FREM2: variants seen among roughly 807,000 people sequenced by gnomAD.
The protein encoded by FREM2 is FRAS1-related extracellular matrix protein 2.
In FREM2, 119 loss-of-function variants were observed where a neutral mutation model predicts 219.9. The observed-to-expected ratio is 0.54, with a 90% confidence interval of 0.47 to 0.63. The LOEUF is 0.63. Ranked by LOEUF, FREM2 falls within the 30% of genes least tolerant of loss-of-function variation. FREM2 has a pLI of 0.00. For synonymous variants in FREM2, 1,562 were observed against 1,522.8 expected (o/e 1.03, Z -0.60); for missense variants, 4,030 against 3,993.6 (o/e 1.01, Z -0.25).
At chr13:38,822,416 C>G (rs1876102623) in intron 6 of FREM2, among the ~76,000 whole-genome samples, 1 of 149,952 alleles carries the variant, frequency 6.7e-6, no homozygotes, top group Non-Finnish European at 1.5e-5. Flanking sequence ...GAGCACACTC[C>G]CTGCCAGAGA....
intron 21 of FREM2, among the ~76,000 whole-genome samples, chr13:38,877,889 G>T (rs778227296): frequency 1.5e-4 from 23 of 152,148 alleles, no homozygotes; most frequent in Admixed American, 1.3e-4. Context: ...ATTCACACTA[G>T]TGGCTGAGCA....
rs777829368 is a variant in FREM2, at chr13:38,690,181, C to G, written c.2837C>G (p.Pro946Arg). Reference sequence around the variant, plus strand: ...GATGAAGTGCCCATACTGAGCCATCCTACTGGCACTCTGGAGTCCTATCTA... The same window carrying G: ...GATGAAGTGCCCATACTGAGCCATCGTACTGGCACTCTGGAGTCCTATCTA... ...VDDEVPILSH[P>R]TGTLESYLDV... is the part of the protein sequence containing the mutation. The change falls in exon 1 of 24, where the codon CCT becomes CGT. Residue 946 changes from proline to arginine, a missense_variant. Pro to Arg is a moderately radical substitution (Grantham distance 103). This residue lies in a region of FREM2 where 3,102 missense variants were observed against 2,950.7 expected (regional missense o/e 1.05). Transcript: ENST00000280481. 3 of 1,614,010 alleles carry G rather than the reference C, an allele frequency of 1.9e-6. No homozygotes were observed. In the African/African-American group the frequency reaches 4.0e-5, roughly 22 times the overall value.
At position 38,794,230 on chromosome 13, in the gene FREM2, A is replaced by C. The variant is rs536616821; in HGVS notation, c.6019+9422A>C. On this transcript the variant is annotated intron_variant, in intron 6 of 23. Transcript: ENST00000280481. ...CATTTAAAGGAAAGGAATAGATTTC[A>C]TGAATGCTAAACAGAAGATGACAAA... 1.6e-4 allele frequency among the ~76,000 whole-genome samples: 25 copies of C among 152,334 alleles called. 1 individual carries two copies. The South Asian group carries it at 5.2e-3, about 32-fold the overall frequency.
Position 38,687,444 on chromosome 13 carries a change from C to T in FREM2, c.100C>T (p.Leu34=), listed in dbSNP as rs760741907. ...ACCGCCGCCCCGGCTGCTGCTGCTGCTGCTGCTTCTCCTGTCACTGGTAAG... is the reference window on the plus strand; with the variant it reads ...ACCGCCGCCCCGGCTGCTGCTGCTGTTGCTGCTTCTCCTGTCACTGGTAAG... The part of the protein sequence containing the change: ...PPPPPRLLLL[L]LLLLSLVSRV... Residue 34 remains leucine, a synonymous_variant, in exon 1 of 24, where the codon CTG becomes TTG. Coordinates refer to ENST00000280481, the MANE Select transcript of FREM2 (RefSeq NM_207361.6). 1 of 1,596,086 alleles carries T rather than the reference C, an allele frequency of 6.3e-7. No homozygotes were observed. The highest frequency in any genetic ancestry group is 1.1e-5 in the South Asian group (1 of 88,558).
In FREM2 at chr13:38,690,114, G is replaced by A. The variant is rs1869754506; in HGVS notation, c.2770G>A (p.Val924Met). The part of the protein sequence containing the change: ...CSLEVSDRHH[V>M]VPITLRVNVR... ...CTTGGAAGTCAGTGACAGACATCAT[G>A]TGGTGCCCATCACTCTCAGAGTAAA... The change falls in exon 1 of 24, where the codon GTG (valine) becomes ATG (methionine). Residue 924 changes from valine (V) to methionine (M), a missense_variant. Val to Met is a conservative substitution (Grantham distance 21). This residue lies in a region of FREM2 where 3,102 missense variants were observed against 2,950.7 expected (regional missense o/e 1.05). Coordinates refer to ENST00000280481, the MANE Select transcript of FREM2 (RefSeq NM_207361.6). The A allele has an allele frequency of 1.2e-6, 2 of 1,614,156 alleles. No individual in the cohort carries two copies. The highest frequency in any genetic ancestry group is 1.1e-5 in the South Asian group (1 of 91,088).
rs190279623 is a variant in FREM2, at chr13:38,805,431, G to A, written c.6019+20623G>A. Among the ~76,000 whole-genome samples, 94 of 151,962 alleles carry A rather than the reference G, an allele frequency of 6.2e-4. 1 individual carries two copies. Among genetic ancestry groups the A allele is most frequent in the Non-Finnish European group, 5.4e-4 (37 of 67,982 alleles). On this transcript the variant is annotated intron_variant, in intron 6 of 23. Transcript: ENST00000280481. ...AGGTTAGGAGAAGGAATTAGTCTAG[G>A]GAAAGAAAGATGGAAGAAGATGAGA... is the stretch of plus-strand genomic sequence containing the variant.
At position 38,877,191 on chromosome 13, in the gene FREM2, G is replaced by A. The variant is rs745468085; in HGVS notation, c.8619G>A (p.Leu2873=). The A allele has an allele frequency of 1.5e-5, 24 of 1,614,010 alleles. No individual in the cohort carries two copies. The highest frequency in any genetic ancestry group is 1.8e-5 in the Non-Finnish European group (21 of 1,179,974). Residue 2873 remains leucine, a synonymous_variant, in exon 21 of 24, where the codon TTG becomes TTA. Coordinates refer to ENST00000280481, the MANE Select transcript of FREM2 (RefSeq NM_207361.6). The part of the protein sequence containing the change: ...MYLLSKKSLW[L]SDGSMGFGQE... ...TGCTCTCTAAGAAGAGTCTCTGGTT[G>A]TCTGATGGATCCATGGGATTCGGGC...
intron 2 of FREM2, among the ~76,000 whole-genome samples, chr13:38,719,448 T>C (rs1871138065): frequency 6.6e-6 from 1 of 152,168 alleles, no homozygotes; most frequent in African/African-American, 2.4e-5. Context: ...TCCGAACCCC[T>C]GACCTTAGGT....
At chr13:38,783,304 T>C in intron 5 of FREM2, 109 bp downstream of exon 5, 1 of 1,158,850 alleles carries the variant, frequency 8.6e-7, no homozygotes, top group East Asian at 2.4e-5. Flanking sequence ...TTTATTAATT[T>C]TCCATAGATA....
intron 3 of FREM2, 55 bp from the exon 4 acceptor site, chr13:38,769,523 C>T: frequency 6.8e-7 from 1 of 1,463,530 alleles, no homozygotes; most frequent in South Asian, 1.2e-5. Flanking sequence ...CAAGGAAAAT[C>T]TTAATAATCC....
chr13:38,755,341 G>A (rs1187291670), intron 2 of FREM2, among the ~76,000 whole-genome samples: 2 of 152,114 alleles, frequency 1.3e-5, no homozygotes, highest in Non-Finnish European at 2.9e-5. Flanking sequence ...AACCCTCCCT[G>A]TGGCCCCAGG....
In FREM2 at chr13:38,864,514, A is replaced by G. The variant is rs763694649; in HGVS notation, c.7891A>G (p.Asn2631Asp). ...TACCTTGCGCTTCTACCGGAACCTG[A>G]ACCTAGAGGCCTGTTTATGGGAGTT... The part of the protein sequence containing the change: ...STTLRFYRNL[N>D]LEACLWEFVS... The change falls in exon 16 of 24, where the codon AAC (asparagine) becomes GAC (aspartate). Residue 2631 changes from asparagine to aspartate, a missense_variant. Coordinates refer to ENST00000280481, the MANE Select transcript of FREM2 (RefSeq NM_207361.6). 6.2e-6 allele frequency: 10 copies of G among 1,614,238 alleles called. No homozygotes were observed. In the South Asian group the frequency reaches 8.8e-5, roughly 14 times the overall value.
intron 2 of FREM2, among the ~76,000 whole-genome samples, chr13:38,751,736 A>G (rs931470951): frequency 5.9e-5 from 9 of 152,142 alleles, no homozygotes; most frequent in African/African-American, 2.2e-4. Flanking sequence ...ATACTTCCTA[A>G]CATATGTGCT....
At chr13:38,779,032 G>A (rs956584368) in intron 4 of FREM2, among the ~76,000 whole-genome samples, 2 of 151,962 alleles carry the variant, frequency 1.3e-5, no homozygotes, top group Non-Finnish European at 2.9e-5. Flanking sequence ...TTTATATTTG[G>A]TGAAAACCTT....
rs370550875 is a variant in FREM2 at position 38,739,854 on chromosome 13, A to G, written c.5264-24450A>G. 1.2e-4 allele frequency among the ~76,000 whole-genome samples: 19 copies of G among 152,326 alleles called. No individual in the cohort carries two copies. The East Asian group carries it at 2.1e-3, about 17-fold the overall frequency. Reference sequence around the variant, plus strand: ...ATAAAGTAGTTGGAACACATGGCATAATTTAAAGTTGCTTTTTTCATTAAC... The same window carrying G: ...ATAAAGTAGTTGGAACACATGGCATGATTTAAAGTTGCTTTTTTCATTAAC... On this transcript the variant is annotated intron_variant, in intron 2 of 23. Transcript: ENST00000280481.
intron 20 of FREM2, 68 bp downstream of exon 20, chr13:38,876,450 A>AAAAAAG: frequency 7.3e-7 from 1 of 1,368,572 alleles, no homozygotes; most frequent in Non-Finnish European, 1.0e-6. Flanking sequence ...TATTAGTAAA[A>AAAAAAG]AAAAAAAAAA....
In FREM2 at chr13:38,764,434, A is replaced by G. The variant is rs1294309641; in HGVS notation, c.5394A>G (p.Gly1798=). ...TTCTTAAACGTAGAGGTTACTTGGG[A>G]GAAACTTCTTTTATAAGTAAGTTTA... The part of the protein sequence containing the change: ...DVVLKRRGYL[G]ETSFISIGTR... Residue 1798 remains glycine, a synonymous_variant, in exon 3 of 24, where the codon GGA becomes GGG. Coordinates refer to ENST00000280481, the MANE Select transcript of FREM2 (RefSeq NM_207361.6). 1 of 1,561,234 alleles carries G rather than the reference A, an allele frequency of 6.4e-7. No homozygotes were observed. The highest frequency in any genetic ancestry group is 2.2e-5 in the East Asian group (1 of 44,462).
At position 38,762,404 on chromosome 13, in the gene FREM2, T is replaced by G. The variant is rs9576612; in HGVS notation, c.5264-1900T>G. On this transcript the variant is annotated intron_variant, in intron 2 of 23. Transcript: ENST00000280481. ...GCGCAAAATGTGGAATGAGTTTCCT[T>G]GTTAAACGGACAAACTGACACAAAA... Among the ~76,000 whole-genome samples, 9 of 151,964 alleles carry G rather than the reference T, an allele frequency of 5.9e-5. No homozygotes were observed. The East Asian group carries it at 1.8e-3, about 30-fold the overall frequency.
intron 23 of FREM2, 29 bp from the exon 24 acceptor site, chr13:38,880,255 T>A: frequency 6.2e-7 from 1 of 1,608,106 alleles, no homozygotes; most frequent in Non-Finnish European, 8.5e-7. Context: ...TATCTAGTAT[T>A]TCCTAATAAA....
Sources: gnomAD v4.1 joint callset for allele counts (sites outside exome capture counted in the v4.1 genomes callset) on GRCh38, gnomAD v4.1.1 for gene constraint, gnomAD v4.1.1 regional missense constraint, MANE v1.5 for transcripts, NCBI Gene and HGNC (gene_info 2026-07-23, HGNC 2026-07-21) for gene names.